FAT1: variants seen among roughly 807,000 people sequenced by gnomAD.
FAT1 encodes the protein FAT atypical cadherin 1.
A neutral mutation model predicts 329.8 loss-of-function variants in FAT1; 171 were observed. The observed-to-expected ratio is 0.52, with a 90% confidence interval of 0.46 to 0.59. The LOEUF (loss-of-function observed/expected upper bound fraction) is 0.59, where lower values mean the gene tolerates loss of function less well. FAT1 is among the 20% of genes least tolerant of loss of function. The pLI, the probability that FAT1 is intolerant of heterozygous loss-of-function variation, is 0.00. For synonymous variants in FAT1, 2,233 were observed against 2,228.6 expected (o/e 1.00, Z -0.06); for missense variants, 5,672 against 5,774.4 (o/e 0.98, Z 0.57).
chr4:186,688,114 G>GAAA (rs55834504), intron 2 of FAT1, among the ~76,000 whole-genome samples: 7 of 55,636 alleles, frequency 1.3e-4, no homozygotes, highest in Non-Finnish European at 2.0e-4. Context: ...ACTCAAAGCT[G>GAAA]AAAAAAAAAA....
At chr4:186,626,784 C>G (rs1740327657) in intron 9 of FAT1, among the ~76,000 whole-genome samples, 1 of 115,384 alleles carries the variant, frequency 8.7e-6, no homozygotes, top group African/African-American at 3.5e-5. Flanking sequence ...TTCACCAGCC[C>G]ACAGAATGAA....
intron 1 of FAT1, among the ~76,000 whole-genome samples, chr4:186,716,941 G>C (rs1745232971): frequency 6.6e-6 from 1 of 151,992 alleles, no homozygotes; most frequent in African/African-American, 2.4e-5. Context: ...GCACCACCAT[G>C]ACCAGCTAAC....
At position 186,618,685 on chromosome 4, in the gene FAT1, G is replaced by T. The variant is rs1739854999; in HGVS notation, c.7901C>A (p.Ala2634Asp). 1 of 1,613,948 alleles carries T rather than the reference G, an allele frequency of 6.2e-7. No individual in the cohort carries two copies. The highest frequency in any genetic ancestry group is 8.5e-7 in the Non-Finnish European group (1 of 1,179,884). Reference sequence around the variant, plus strand: ...TACACTTTCAGAGTCTGCTTCAATGGCATAGGTGATGTCGGCATTGGAGCC... The same window carrying T: ...TACACTTTCAGAGTCTGCTTCAATGTCATAGGTGATGTCGGCATTGGAGCC... ...DEGSNADITY[A>D]IEADSESVKE... The change falls in exon 10 of 27, where the codon GCC becomes GAC. Residue 2634 changes from alanine (A) to aspartate (D), a missense_variant. Around this residue, in one of 2 missense-constraint regions of FAT1, gnomAD observed 3,966 missense variants for 3,915.2 expected, o/e 1.01. Transcript: ENST00000441802.
At chr4:186,607,360 T>C (rs1272131659) in intron 16 of FAT1, among the ~76,000 whole-genome samples, 1 of 151,376 alleles carries the variant, frequency 6.6e-6, no homozygotes. Flanking sequence ...AATGGATGGA[T>C]GCATAGATGG....
rs367962887 is a variant in FAT1 at position 186,692,479 on chromosome 4, A to AT, written c.3265+14083dup. Among the ~76,000 whole-genome samples the AT allele has an allele frequency of 7.4e-3, 1,132 of 151,978 alleles. 10 individuals are homozygous for AT. The highest frequency in any genetic ancestry group is 0.026 in the African/African-American group (1,070 of 41,438). ...AGGCGCCCGCCACCACGCCCGGCTA[A>AT]TTTTTTGTATTTTTAGTAGAGACGG... On this transcript the variant is annotated intron_variant, in intron 2 of 26. Coordinates refer to ENST00000441802, the MANE Select transcript of FAT1 (RefSeq NM_005245.4).
rs1221380402 is a variant in FAT1, at chr4:186,619,100, C to T, written c.7486G>A (p.Glu2496Lys). 1.1e-5 allele frequency: 17 copies of T among 1,613,862 alleles called. No homozygotes were observed. The highest frequency in any genetic ancestry group is 6.7e-5 in the Admixed American group (4 of 60,006). The change falls in exon 10 of 27, where the codon GAA becomes AAA. Residue 2496 changes from glutamate to lysine, a missense_variant. Physicochemically the swap from Glu to Lys is moderately conservative, Grantham distance 56. Transcript: ENST00000441802. ...TTTTCAGCTAGTTCCACTTCATATT[C>T]GTTCTGAAGGAAAGCAGGACTGTGC... Reference protein sequence around the residue: ...NLHSPAFLQNEYEVELAENAP... With the variant: ...NLHSPAFLQNKYEVELAENAP...
chr4:186,664,934 T>A (rs551692347), intron 2 of FAT1, among the ~76,000 whole-genome samples: 2 of 152,286 alleles, frequency 1.3e-5, no homozygotes, highest in South Asian at 4.1e-4. Context: ...TTGAGAAAAA[T>A]ACACTGTTGC....
Position 186,643,716 on chromosome 4 carries a change from C to T in FAT1, c.3581-3933G>A, listed in dbSNP as rs73030843. Among the ~76,000 whole-genome samples the T allele has an allele frequency of 5.1e-3, 774 of 152,182 alleles. 6 individuals are homozygous for T. Among genetic ancestry groups the T allele is most frequent in the African/African-American group, 0.016 (681 of 41,500 alleles). On this transcript the variant is annotated intron_variant, in intron 3 of 26. Transcript: ENST00000441802. Reference sequence around the variant, plus strand: ...CCGAACCCCCTGCACTCTGGCCATACAAGACAATCTACCGAGTGTGTTCTG... The same window carrying T: ...CCGAACCCCCTGCACTCTGGCCATATAAGACAATCTACCGAGTGTGTTCTG...
intron 7 of FAT1, among the ~76,000 whole-genome samples, chr4:186,629,135 T>C (rs1387146055): frequency 6.6e-6 from 1 of 152,172 alleles, no homozygotes; most frequent in African/African-American, 2.4e-5. Context: ...GAAGACTAAT[T>C]TCTTAAATCA....
rs1336865606 is a variant in FAT1, at chr4:186,656,184, C to A, written c.3580+7115G>T. Among the ~76,000 whole-genome samples the A allele has an allele frequency of 5.9e-5, 9 of 152,282 alleles. No individual in the cohort carries two copies. The East Asian group carries it at 1.5e-3, about 26-fold the overall frequency. ...TCAAAGGCTCTGGGGCATAGCTGTC[C>A]CCAGTTGTCTAGCACTGGCTCTGAT... is the stretch of plus-strand genomic sequence containing the variant. On this transcript the variant is annotated intron_variant, in intron 3 of 26. Transcript: ENST00000441802.
At chr4:186,635,372 T>C (rs1428848448) in intron 6 of FAT1, among the ~76,000 whole-genome samples, 1 of 152,240 alleles carries the variant, frequency 6.6e-6, no homozygotes, top group East Asian at 1.9e-4. Flanking sequence ...AATAGGGTAT[T>C]ACATTCAATG....
chr4:186,679,752 G>A (rs1743128258), intron 2 of FAT1, among the ~76,000 whole-genome samples: 2 of 152,156 alleles, frequency 1.3e-5, no homozygotes, highest in Admixed American at 1.3e-4. Flanking sequence ...TTTGAAAAAT[G>A]ACTTTGTGCT....
chr4:186,686,473 G>C (rs327110), intron 2 of FAT1, among the ~76,000 whole-genome samples: 123,046 of 152,098 alleles, frequency 0.81, 50,096 homozygotes, highest in South Asian at 0.84. Context: ...AATCAATATA[G>C]TAATCTCAAC....
intron 2 of FAT1, among the ~76,000 whole-genome samples, chr4:186,683,038 T>C (rs756237135): frequency 3.9e-5 from 6 of 152,216 alleles, no homozygotes; most frequent in Non-Finnish European, 8.8e-5. Context: ...CACAGCCTCA[T>C]GTCCTGGCCA....
In FAT1 at chr4:186,663,279, A is replaced by T. The variant is rs1742265938; in HGVS notation, c.3580+20T>A. 6.4e-7 allele frequency: 1 copy of T among 1,568,028 alleles called. No homozygotes were observed. The highest frequency in any genetic ancestry group is 8.7e-7 in the Non-Finnish European group (1 of 1,144,788). The stretch of plus-strand genomic sequence containing the variant: ...AAAAGCATAAGCATAAACATTTCCT[A>T]TAGCAGTATTAACACATACCTGTTT... On this transcript the variant is annotated intron_variant, in intron 3 of 26. Transcript: ENST00000441802.
rs372899179 is a variant in FAT1 at position 186,618,579 on chromosome 4, G to A, written c.8007C>T (p.Phe2669=). The A allele has an allele frequency of 4.3e-6, 7 of 1,614,042 alleles. No individual in the cohort carries two copies. The highest frequency in any genetic ancestry group is 5.9e-6 in the Non-Finnish European group (7 of 1,179,892). The change falls in exon 10 of 27, where the codon TTC becomes TTT. Residue 2669 remains phenylalanine (F), a synonymous_variant. Transcript: ENST00000441802. The part of the protein sequence containing the change: ...ESLIGLENEF[F]TFFVRAVDNG... ...TATCCACAGCTCTAACAAAGAAAGT[G>A]AAGAATTCATTTTCCAAGCCAATGA...
chr4:186,611,057 C>A (rs1739421228), intron 14 of FAT1, among the ~76,000 whole-genome samples: 1 of 152,152 alleles, frequency 6.6e-6, no homozygotes, highest in Non-Finnish European at 1.5e-5. Context: ...ACATAAGGAC[C>A]TCTACTATCC....
chr4:186,689,248 G>C (rs1191633267), intron 2 of FAT1, among the ~76,000 whole-genome samples: 1 of 152,148 alleles, frequency 6.6e-6, no homozygotes, highest in East Asian at 1.9e-4. Flanking sequence ...TTTGTATCTT[G>C]TACGTCAAAT....
intron 3 of FAT1, among the ~76,000 whole-genome samples, chr4:186,646,460 T>C (rs547688742): frequency 6.6e-6 from 1 of 152,282 alleles, no homozygotes; most frequent in African/African-American, 2.4e-5. Flanking sequence ...TCCAATATGG[T>C]AGCACCTGGC....
Sources: gnomAD v4.1 joint callset for allele counts (sites outside exome capture counted in the v4.1 genomes callset) on GRCh38, gnomAD v4.1.1 for gene constraint, gnomAD v4.1.1 regional missense constraint, MANE v1.5 for transcripts, NCBI Gene and HGNC (gene_info 2026-07-23, HGNC 2026-07-21) for gene names.